The following PIWIL4 variants were observed in gnomAD, a reference collection of about 807,000 sequenced individuals.
PIWIL4 encodes piwi like RNA-mediated gene silencing 4.
A neutral mutation model predicts 100.9 loss-of-function variants in PIWIL4; 50 were observed. That is an observed-to-expected ratio of 0.50 (90% confidence interval 0.39 to 0.63). The LOEUF is 0.63. Among genes scored for constraint, PIWIL4 ranks in the 20% least tolerant of loss-of-function variants. The pLI, the probability that PIWIL4 is intolerant of heterozygous loss-of-function variation, is 0.00. For synonymous variants in PIWIL4, 342 were observed against 367.5 expected, an observed-to-expected ratio of 0.93 and a Z score of 0.79; for missense variants, 887 against 1,043.3, an observed-to-expected ratio of 0.85 and a Z score of 2.06.
intron 15 of PIWIL4, among the ~76,000 whole-genome samples, chr11:94,610,464 A>C (rs963057187): frequency 6.6e-6 from 1 of 152,126 alleles, no homozygotes; most frequent in African/African-American, 2.4e-5. Context: ...ATTCCCACCA[A>C]CAATGTATAA....
At chr11:94,611,482 T>TTA (rs1948786617) in intron 15 of PIWIL4, among the ~76,000 whole-genome samples, 1 of 152,194 alleles carries the variant, frequency 6.6e-6, no homozygotes, top group African/African-American at 2.4e-5. Context: ...TTTTCCTCCA[T>TTA]TATTAATTCT....
In PIWIL4 at chr11:94,577,416, G is replaced by T. The variant is rs568478354; in HGVS notation, c.437G>T (p.Ser146Ile). 5.0e-6 allele frequency: 8 copies of T among 1,614,036 alleles called. No homozygotes were observed. The South Asian group carries it at 8.8e-5, about 18-fold the overall frequency. The part of the protein sequence containing the change: ...SRRLRIALLY[S>I]HSELSNKAKA... ...AGGCTGAGAATTGCTTTACTTTATA[G>T]TCATAGTGAACTTTCCAACAAAGCA... Residue 146 changes from serine to isoleucine, a missense_variant, in exon 4 of 20, where the codon AGT (serine) becomes ATT (isoleucine). Around this residue, in one of 2 missense-constraint regions of PIWIL4, gnomAD observed 741 missense variants for 930.0 expected, o/e 0.80. Transcript: ENST00000299001.
At chr11:94,618,454 C>T (rs1948869255) in intron 17 of PIWIL4, among the ~76,000 whole-genome samples, 2 of 152,250 alleles carry the variant, frequency 1.3e-5, no homozygotes, top group African/African-American at 4.8e-5. Flanking sequence ...AGAAAACAAA[C>T]CGTGATTTCA....
rs771565837 is a variant in PIWIL4 at position 94,616,446 on chromosome 11, G to A, written c.1944-47G>A. ...TTAATATTAATGAATATTTATGGTA[G>A]AAAAATTGAAGTTGAATTTTACTTT... On this transcript the variant is annotated intron_variant, in intron 15 of 19. Transcript: ENST00000299001. 8.8e-5 allele frequency: 126 copies of A among 1,435,418 alleles called. 1 individual carries two copies. The highest frequency in any genetic ancestry group is 1.2e-4 in the Non-Finnish European group (124 of 1,045,844). 88.9% of individuals were successfully genotyped at this position (1,435,418 alleles called of 1,614,324 possible).
chr11:94,619,496 G>A (rs1948882677), intron 17 of PIWIL4, among the ~76,000 whole-genome samples: 2 of 152,256 alleles, frequency 1.3e-5, no homozygotes, highest in Middle Eastern at 3.4e-3. Context: ...TTGAAGTTCA[G>A]CATTCCTTCC....
rs537895088 is a variant in PIWIL4, at chr11:94,595,410, G to T, written c.1252G>T (p.Val418Leu). The T allele has an allele frequency of 6.2e-7, 1 of 1,613,404 alleles. No individual in the cohort carries two copies. Among genetic ancestry groups the T allele is most frequent in the Non-Finnish European group, 8.5e-7 (1 of 1,179,600 alleles). Residue 418 changes from valine (V) to leucine (L), a missense_variant, in exon 10 of 20, where the codon GTG (valine) becomes TTG (leucine). Val to Leu is a conservative substitution (Grantham distance 32). This residue lies in a region of PIWIL4 where 741 missense variants were observed against 930.0 expected (regional missense o/e 0.80). Coordinates refer to ENST00000299001, the MANE Select transcript of PIWIL4 (RefSeq NM_152431.3). ...SGRQQRLARL[V>L]DNIQRNTNAR... ...CCGGCAGCAGCGCCTGGCCAGGCTT[G>T]TGGACAACATCCAGAGGTACTGGAT...
chr11:94,589,811 T>C (rs1948458339), intron 8 of PIWIL4, among the ~76,000 whole-genome samples: 2 of 152,198 alleles, frequency 1.3e-5, no homozygotes, highest in African/African-American at 4.8e-5. Context: ...TCTCAGGTCA[T>C]CACAGGCACC....
intron 15 of PIWIL4, among the ~76,000 whole-genome samples, chr11:94,611,851 G>A (rs750827322): frequency 1.3e-5 from 2 of 152,156 alleles, no homozygotes; most frequent in Non-Finnish European, 2.9e-5. Context: ...TGTACAGCTT[G>A]TAAGACCATG....
rs758657428 is a variant in PIWIL4, at chr11:94,608,595, A to G, written c.1852A>G (p.Met618Val). 6.2e-7 allele frequency: 1 copy of G among 1,613,908 alleles called. No homozygotes were observed. Among genetic ancestry groups the G allele is most frequent in the Non-Finnish European group, 8.5e-7 (1 of 1,179,816 alleles). The stretch of plus-strand genomic sequence containing the variant: ...TTTAATTTTATAGTTAAAGTCCCTG[A>G]TGGTGGTCGGTATTGATGTCTGTAA... ...WAVEIPLKSL[M>V]VVGIDVCKDA... The change falls in exon 15 of 20, where the codon ATG (methionine) becomes GTG (valine). Residue 618 changes from methionine to valine, a missense_variant. By Grantham distance (21) the Met-to-Val change is conservative (BLOSUM62 1). Coordinates refer to ENST00000299001, the MANE Select transcript of PIWIL4 (RefSeq NM_152431.3).
In PIWIL4 at chr11:94,621,099, C is replaced by A; in HGVS notation, c.*107C>A. On this transcript the variant is annotated 3_prime_UTR_variant, in exon 20 of 20. Coordinates refer to ENST00000299001, the MANE Select transcript of PIWIL4 (RefSeq NM_152431.3). ...GCTGTGACTGGGGAAAAAGATTGAGCTTAGTTTTCATGTCTAGGAAAAAAA... is the reference window on the plus strand; with the variant it reads ...GCTGTGACTGGGGAAAAAGATTGAGATTAGTTTTCATGTCTAGGAAAAAAA... The A allele has an allele frequency of 2.7e-6, 2 of 734,552 alleles. No homozygotes were observed. Among genetic ancestry groups the A allele is most frequent in the East Asian group, 5.4e-5 (2 of 37,016 alleles). 45.5% of individuals were successfully genotyped at this position (734,552 alleles called of 1,614,324 possible).
chr11:94,594,337 G>C (rs34043801), intron 9 of PIWIL4, among the ~76,000 whole-genome samples: 1 of 151,388 alleles, frequency 6.6e-6, no homozygotes, highest in Non-Finnish European at 1.5e-5. Flanking sequence ...CCGGTGGCAC[G>C]CGTCTGTAAC....
rs192427114 is a variant in PIWIL4 at position 94,597,607 on chromosome 11, T to A, written c.1269-197T>A. Among the ~76,000 whole-genome samples, 18 of 152,290 alleles carry A rather than the reference T, an allele frequency of 1.2e-4. 1 individual carries two copies. The East Asian group carries it at 1.5e-3, about 13-fold the overall frequency. ...AAGCTTATTTTTCTAACCACTGTAC[T>A]CCCACTGGAATCCTTTTCCCATTCC... On this transcript the variant is annotated intron_variant, in intron 10 of 19. Transcript: ENST00000299001.
intron 2 of PIWIL4, among the ~76,000 whole-genome samples, chr11:94,574,708 C>A (rs117967908): frequency 2.5e-3 from 388 of 152,236 alleles, no homozygotes; most frequent in Non-Finnish European, 4.1e-3. Flanking sequence ...TCTCTAACTC[C>A]TGAGCTCAAG....
intron 1 of PIWIL4, 150 bp from the exon 2 acceptor site, chr11:94,568,580 C>G: frequency 1.2e-3 from 613 of 511,946 alleles, no homozygotes; most frequent in Middle Eastern, 3.2e-3. Flanking sequence ...AGAATGGGCA[C>G]TCTCTTCTCA....
intron 15 of PIWIL4, among the ~76,000 whole-genome samples, chr11:94,615,978 AGAAAT>A (rs1204201627): frequency 2.6e-5 from 4 of 152,264 alleles, no homozygotes; most frequent in Admixed American, 6.5e-5. Flanking sequence ...GATCACCTAT[AGAAAT>A]GAAAGTTTAT....
intron 10 of PIWIL4, among the ~76,000 whole-genome samples, chr11:94,595,997 C>G (rs1948553540): frequency 6.6e-6 from 1 of 152,042 alleles, no homozygotes. Flanking sequence ...CCTTTCTGAC[C>G]CTCTAAAACT....
chr11:94,605,456 C>G (rs1402924523), intron 13 of PIWIL4, among the ~76,000 whole-genome samples: 2 of 152,182 alleles, frequency 1.3e-5, no homozygotes, highest in African/African-American at 4.8e-5. Flanking sequence ...CTAAGTGCAT[C>G]CTACCAGGTG....
At chr11:94,606,519 C>T (rs907902261) in intron 13 of PIWIL4, among the ~76,000 whole-genome samples, 4 of 152,076 alleles carry the variant, frequency 2.6e-5, no homozygotes, top group Non-Finnish European at 5.9e-5. Context: ...CCCTTCAGTG[C>T]GGAAAGCATC....
At chr11:94,571,735 A>G (rs2135234330) in intron 2 of PIWIL4, among the ~76,000 whole-genome samples, 1 of 152,286 alleles carries the variant, frequency 6.6e-6, no homozygotes, top group East Asian at 1.9e-4. Flanking sequence ...GAATAGTGCC[A>G]CAATAAACAT....
Sources: allele counts gnomAD v4.1 joint callset (sites outside exome capture counted in the v4.1 genomes callset), GRCh38; gene constraint gnomAD v4.1.1; regional missense constraint gnomAD v4.1.1; transcripts MANE v1.5; gene names NCBI Gene and HGNC (gene_info 2026-07-23, HGNC 2026-07-21).